The following ANK3 variants were observed in gnomAD, a reference collection of about 807,000 sequenced individuals.
ANK3 encodes the protein ankyrin-3.
ANK3 carries 57 observed loss-of-function variants against 370.9 expected under a neutral mutation model. That is an observed-to-expected ratio of 0.15 (90% CI 0.12 to 0.19). The LOEUF (loss-of-function observed/expected upper bound fraction) is 0.19, where lower values mean the gene tolerates loss of function less well. Among genes scored for constraint, ANK3 ranks in the 10% least tolerant of loss-of-function variants. The probability of loss-of-function intolerance (pLI) is 1.00; values close to 1 mark genes in which losing one functional copy is unlikely to be tolerated. For missense variants in ANK3, 4,439 were observed against 5,302.1 expected (o/e 0.84, Z 5.06); for synonymous variants, 1,929 against 1,946.3 (o/e 0.99, Z 0.23).
intron 25 of ANK3, among the ~76,000 whole-genome samples, chr10:60,131,418 C>G (rs1352377675): frequency 1.3e-5 from 2 of 152,226 alleles, no homozygotes; most frequent in African/African-American, 4.8e-5. Context: ...ACATTATCAA[C>G]TTAAAGTTTA....
chr10:60,360,796 T>G (rs2058485346), intron 1 of ANK3, among the ~76,000 whole-genome samples: 2 of 152,192 alleles, frequency 1.3e-5, no homozygotes, highest in African/African-American at 2.4e-5. Context: ...GATTTTTTTT[T>G]GAATAAAAAA....
intron 1 of ANK3, among the ~76,000 whole-genome samples, chr10:60,725,875 T>C (rs946995879): frequency 1.7e-4 from 26 of 152,140 alleles, no homozygotes; most frequent in African/African-American, 6.3e-4. Flanking sequence ...ATAGGGAAAC[T>C]GAAACAGAAT....
At chr10:60,574,533 T>C (rs963290548) in intron 2 of ANK3, among the ~76,000 whole-genome samples, 2 of 152,120 alleles carry the variant, frequency 1.3e-5, no homozygotes, top group South Asian at 2.1e-4. Flanking sequence ...TGTCATGCAA[T>C]ATAAAAGGCA....
intron 2 of ANK3, among the ~76,000 whole-genome samples, chr10:60,454,198 G>C (rs1017144027): frequency 6.6e-6 from 1 of 152,082 alleles, no homozygotes; most frequent in African/African-American, 2.4e-5. Context: ...ATGTTGACTT[G>C]GAGTAGAAAC....
At chr10:60,179,410 C>A (rs367927379) in intron 18 of ANK3, among the ~76,000 whole-genome samples, 1 of 152,130 alleles carries the variant, frequency 6.6e-6, no homozygotes, top group Non-Finnish European at 1.5e-5. Context: ...AAAATGACTA[C>A]GTGGCCGGGA....
chr10:60,501,765 A>G (rs190745979), intron 2 of ANK3, among the ~76,000 whole-genome samples: 205 of 151,642 alleles, frequency 1.4e-3, no homozygotes, highest in African/African-American at 4.8e-3. Flanking sequence ...AAAAGAGGAC[A>G]CAGTTTGAGA....
intron 2 of ANK3, among the ~76,000 whole-genome samples, chr10:60,422,786 G>T (rs2063804616): frequency 6.6e-6 from 1 of 151,990 alleles, no homozygotes; most frequent in Non-Finnish European, 1.5e-5. Context: ...ATTAAAAAAC[G>T]TTCTCAGTCA....
intron 1 of ANK3, among the ~76,000 whole-genome samples, chr10:60,639,291 G>A (rs904974585): frequency 6.7e-6 from 1 of 149,776 alleles, no homozygotes; most frequent in Admixed American, 6.7e-5. Context: ...CAAAAATGAA[G>A]ATGAAATAAA....
chr10:60,303,338 A>G (rs1165247152), intron 1 of ANK3, among the ~76,000 whole-genome samples: 1 of 152,216 alleles, frequency 6.6e-6, no homozygotes, highest in Non-Finnish European at 1.5e-5. Context: ...CAAAAAATAT[A>G]ATGAATTCAT....
At chr10:60,474,268 AATAC>A (rs1051560584) in intron 2 of ANK3, among the ~76,000 whole-genome samples, 4 of 108,738 alleles carry the variant, frequency 3.7e-5, no homozygotes, top group African/African-American at 1.3e-4. Flanking sequence ...AAGGGACAGG[AATAC>A]TACTTACAGA....
chr10:60,495,140 T>G (rs11816666), intron 2 of ANK3, among the ~76,000 whole-genome samples: 20,886 of 152,192 alleles, frequency 0.14, 1,648 homozygotes, highest in African/African-American at 0.21. Flanking sequence ...AACAGCAAAG[T>G]ACAATTATTT....
intron 1 of ANK3, among the ~76,000 whole-genome samples, chr10:60,659,022 G>A (rs73273334): frequency 0.34 from 51,912 of 151,698 alleles, 9,046 homozygotes; most frequent in African/African-American, 0.39. Context: ...TAAATAGTTC[G>A]AAATCTGTAT....
intron 2 of ANK3, among the ~76,000 whole-genome samples, chr10:60,416,116 A>G (rs1009395258): frequency 6.6e-6 from 1 of 152,030 alleles, no homozygotes; most frequent in South Asian, 2.1e-4. Context: ...ATGAGAAGAC[A>G]CCATCTATGA....
intron 15 of ANK3, 95 bp downstream of exon 15, chr10:60,196,432 T>C: frequency 1.0e-6 from 1 of 973,766 alleles, no homozygotes; most frequent in East Asian, 2.4e-5. Flanking sequence ...CTTAAATATT[T>C]AGTTATAATT....
intron 1 of ANK3, among the ~76,000 whole-genome samples, chr10:60,307,576 G>A (rs549548076): frequency 6.6e-6 from 1 of 151,620 alleles, no homozygotes; most frequent in Non-Finnish European, 1.5e-5. Context: ...TTGAGCTCAA[G>A]CAATCCTCCT....
intron 2 of ANK3, among the ~76,000 whole-genome samples, chr10:60,597,934 G>C (rs542947981): frequency 6.6e-6 from 1 of 152,016 alleles, no homozygotes. Flanking sequence ...CACGAAGCTT[G>C]GTTCCTTTTT....
chr10:60,370,707 T>A (rs930824160), intron 1 of ANK3, among the ~76,000 whole-genome samples: 34 of 152,152 alleles, frequency 2.2e-4, no homozygotes, highest in African/African-American at 8.2e-4. Context: ...ATCAGTGGCT[T>A]CAACACTTCT....
At chr10:60,647,863 T>C (rs1017685604) in intron 1 of ANK3, among the ~76,000 whole-genome samples, 70 of 151,938 alleles carry the variant, frequency 4.6e-4, no homozygotes, top group African/African-American at 1.6e-3. Flanking sequence ...TTTTTTTTTT[T>C]TTTGAGACAG....
In ANK3 at chr10:60,084,691, G is replaced by A. The variant is rs1389471649; in HGVS notation, c.3985C>T (p.Arg1329Ter). The A allele has an allele frequency of 1.9e-6, 3 of 1,613,698 alleles. No homozygotes were observed. Among genetic ancestry groups the A allele is most frequent in the Non-Finnish European group, 8.5e-7 (1 of 1,179,880 alleles). Residue 1329 changes from arginine (R) to a stop codon, truncating the protein, a stop_gained, in exon 32 of 44, where the codon CGA (arginine) becomes TGA (stop). Coordinates refer to ENST00000280772, the MANE Select transcript of ANK3 (RefSeq NM_020987.5). LOFTEE classifies it high-confidence loss of function. ...TTGTCATCTGTCATGCAGAAACATCGCAAGGAAGATTCTACGGGATCATTC... is the reference window on the plus strand; with the variant it reads ...TTGTCATCTGTCATGCAGAAACATCACAAGGAAGATTCTACGGGATCATTC... ...KMNDPVESSL[R>*]CFCMTDDKVD...
Sources: gnomAD v4.1 joint callset for allele counts (sites outside exome capture counted in the v4.1 genomes callset) on GRCh38, gnomAD v4.1.1 for gene constraint, MANE v1.5 for transcripts, NCBI Gene and HGNC (gene_info 2026-07-23, HGNC 2026-07-21) for gene names.